The following PRKG1 variants were observed in gnomAD, a reference collection of about 807,000 sequenced individuals.
PRKG1 encodes the protein protein kinase cGMP-dependent 1.
A neutral mutation model predicts 88.1 loss-of-function variants in PRKG1; 35 were observed. That is an observed-to-expected ratio of 0.40 (90% CI 0.30 to 0.53). The LOEUF is 0.53. Among genes scored for constraint, PRKG1 ranks in the 20% least tolerant of loss-of-function variants. The pLI is 0.59. For missense variants in PRKG1, 540 were observed against 839.8 expected, an observed-to-expected ratio of 0.64 and a Z score of 4.41; for synonymous variants, 303 against 292.5, an observed-to-expected ratio of 1.04 and a Z score of -0.37.
intron 2 of PRKG1, among the ~76,000 whole-genome samples, chr10:51,260,796 A>C (rs1053118978): frequency 6.6e-6 from 1 of 152,228 alleles, no homozygotes; most frequent in Non-Finnish European, 1.5e-5. Flanking sequence ...AAATTATATG[A>C]ATTTTAAAAA....
At chr10:51,375,343 G>C in intron 2 of PRKG1, among the ~76,000 whole-genome samples, 1 of 151,846 alleles carries the variant, frequency 6.6e-6, no homozygotes, top group East Asian at 1.9e-4. Context: ...GCATAGAGGA[G>C]GTACTGCATT....
Position 51,205,127 on chromosome 10 carries a change from C to CTTTCTTTT in PRKG1, c.478+51800_478+51801insCTTTTTTT, listed in dbSNP as rs1433048297. ...TAAGGAAGAATTTTCATTTTCTTTT[C>CTTTCTTTT]TTTTTTTTTTTTTTTTTTTTTTTTT... On this transcript the variant is annotated intron_variant, in intron 2 of 17. Coordinates refer to ENST00000373980, the MANE Select transcript of PRKG1 (RefSeq NM_006258.4). Among the ~76,000 whole-genome samples the CTTTCTTTT allele has an allele frequency of 4.2e-3, 272 of 64,034 alleles. 59 individuals carry two copies. Among genetic ancestry groups the CTTTCTTTT allele is most frequent in the South Asian group, 6.9e-3 (10 of 1,456 alleles). The allele number at this position is 64,034 out of a possible 152,430, so 42.0% of individuals were successfully genotyped here.
intron 9 of PRKG1, among the ~76,000 whole-genome samples, chr10:52,195,871 A>T (rs966775677): frequency 1.3e-5 from 2 of 152,228 alleles, no homozygotes; most frequent in Non-Finnish European, 2.9e-5. Context: ...ATTTTGTGTT[A>T]AAATATATGA....
intron 3 of PRKG1, among the ~76,000 whole-genome samples, chr10:51,782,981 T>C (rs1044041201): frequency 1.3e-5 from 2 of 152,148 alleles, no homozygotes; most frequent in Admixed American, 6.6e-5. Context: ...TGTGCCGTAT[T>C]GCTTCTCACT....
chr10:51,094,166 A>G lies in PRKG1; in HGVS notation c.311+19265A>G, dbSNP rs74131725. On this transcript the variant is annotated intron_variant, in intron 1 of 17. Transcript: ENST00000373980. ...GAAATACATATGTAAAGAGACTAGC[A>G]TAGTATCTAGGGCATAGAAAACACT... Among the ~76,000 whole-genome samples the G allele has an allele frequency of 5.3e-3, 809 of 152,050 alleles. 7 individuals carry two copies. Among genetic ancestry groups the G allele is most frequent in the African/African-American group, 0.018 (765 of 41,472 alleles).
intron 3 of PRKG1, among the ~76,000 whole-genome samples, chr10:51,534,005 G>A (rs1485597901): frequency 2.6e-5 from 4 of 152,122 alleles, no homozygotes; most frequent in South Asian, 2.1e-4. Flanking sequence ...ATTCAAACTC[G>A]GATGATCTTC....
At chr10:51,650,829 C>G (rs1194445630) in intron 3 of PRKG1, among the ~76,000 whole-genome samples, 2 of 152,180 alleles carry the variant, frequency 1.3e-5, no homozygotes, top group African/African-American at 4.8e-5. Flanking sequence ...CCAACTGTCC[C>G]CATCTCTGTC....
chr10:51,195,582 T>C (rs142721413), intron 2 of PRKG1, among the ~76,000 whole-genome samples: 1 of 152,168 alleles, frequency 6.6e-6, no homozygotes, highest in African/African-American at 2.4e-5. Flanking sequence ...TTAGGAGGCA[T>C]AAAGTTCTCT....
intron 5 of PRKG1, among the ~76,000 whole-genome samples, chr10:51,972,872 G>A (rs1021642107): frequency 1.3e-5 from 2 of 151,196 alleles, no homozygotes; most frequent in Non-Finnish European, 2.9e-5. Context: ...TTGTATTTTT[G>A]CCACTTCATT....
At chr10:52,174,461 T>C (rs1455416322) in intron 9 of PRKG1, among the ~76,000 whole-genome samples, 2 of 151,912 alleles carry the variant, frequency 1.3e-5, no homozygotes, top group Non-Finnish European at 2.9e-5. Context: ...AATAACTTTA[T>C]ATGCCAATGA....
intron 2 of PRKG1, among the ~76,000 whole-genome samples, chr10:51,442,938 G>C (rs1029117410): frequency 3.9e-5 from 6 of 152,146 alleles, no homozygotes; most frequent in Middle Eastern, 3.4e-3. Flanking sequence ...ACTAGGCATA[G>C]AGTTACCTGG....
chr10:52,168,168 A>G (rs1029190366), intron 9 of PRKG1, among the ~76,000 whole-genome samples: 2 of 152,208 alleles, frequency 1.3e-5, no homozygotes, highest in Non-Finnish European at 2.9e-5. Context: ...AATGGAGCTT[A>G]TGGTCCAGTG....
At chr10:51,394,957 C>T (rs1042445296) in intron 2 of PRKG1, among the ~76,000 whole-genome samples, 20 of 152,274 alleles carry the variant, frequency 1.3e-4, no homozygotes, top group African/African-American at 4.3e-4. Context: ...ATTGTTCCTT[C>T]CTTTTGAAAT....
chr10:52,176,064 T>G (rs955043011), intron 9 of PRKG1, among the ~76,000 whole-genome samples: 34 of 152,114 alleles, frequency 2.2e-4, no homozygotes, highest in Non-Finnish European at 4.3e-4. Flanking sequence ...CAAAAAATCT[T>G]TTCCTAGGCT....
At chr10:52,039,093 C>A (rs1267032186) in intron 5 of PRKG1, among the ~76,000 whole-genome samples, 1 of 152,160 alleles carries the variant, frequency 6.6e-6, no homozygotes, top group East Asian at 1.9e-4. Flanking sequence ...GTCCCCCGAT[C>A]CGAGTCACGG....
chr10:51,268,709 G>T (rs34267302), intron 2 of PRKG1, among the ~76,000 whole-genome samples: 34,723 of 151,850 alleles, frequency 0.23, 4,086 homozygotes, highest in East Asian at 0.38. Context: ...ATCATCACAG[G>T]GTCCTGAGGC....
chr10:52,102,915 G>A (rs1847330128), intron 7 of PRKG1, among the ~76,000 whole-genome samples: 1 of 152,142 alleles, frequency 6.6e-6, no homozygotes, highest in Non-Finnish European at 1.5e-5. Flanking sequence ...CCAACTCCTG[G>A]GCCATGGACT....
intron 4 of PRKG1, among the ~76,000 whole-genome samples, chr10:51,814,823 C>T (rs1226042136): frequency 6.6e-6 from 1 of 152,016 alleles, no homozygotes; most frequent in Non-Finnish European, 1.5e-5. Flanking sequence ...TAATTATAGG[C>T]TAATTTTTAA....
intron 1 of PRKG1, among the ~76,000 whole-genome samples, chr10:51,108,867 A>G (rs905353639): frequency 2.0e-5 from 3 of 152,194 alleles, no homozygotes; most frequent in African/African-American, 7.2e-5. Flanking sequence ...GTAGAAATTC[A>G]GATTGATTAT....
Sources: allele counts gnomAD v4.1 joint callset (sites outside exome capture counted in the v4.1 genomes callset), GRCh38; gene constraint gnomAD v4.1.1; transcripts MANE v1.5; gene names NCBI Gene and HGNC (gene_info 2026-07-23, HGNC 2026-07-21).